LRP1: variants seen among roughly 807,000 people sequenced by gnomAD.
LRP1 encodes the protein LDL receptor related protein 1, also known as prolow-density lipoprotein receptor-related protein 1.
A neutral mutation model predicts 541.5 loss-of-function variants in LRP1; 51 were observed. The ratio of observed to expected loss-of-function variants is 0.09; its 90% CI spans 0.08 to 0.12. The LOEUF is 0.12. LRP1 is among the 10% of genes least tolerant of loss of function. LRP1 has a pLI of 1.00. For synonymous variants in LRP1, 2,219 were observed against 2,470.8 expected, an observed-to-expected ratio of 0.90 and a Z score of 3.02; for missense variants, 3,878 against 6,376.2, an observed-to-expected ratio of 0.61 and a Z score of 13.34.
chr12:57,194,164 C>A, intron 48 of LRP1, 152 bp downstream of exon 48: 1 of 988,988 alleles, frequency 1.0e-6, no homozygotes, highest in Non-Finnish European at 1.5e-6. Context: ...CTGTCCCCAT[C>A]CCGCTCCTGC....
chr12:57,171,033 G>T (rs192645218), intron 20 of LRP1, among the ~76,000 whole-genome samples: 2 of 152,218 alleles, frequency 1.3e-5, no homozygotes, highest in Admixed American at 1.3e-4. Flanking sequence ...TAGTAATTGC[G>T]TCTCCAGGGC....
chr12:57,173,482 A>G lies in LRP1; in HGVS notation c.3346+132A>G. 1 of 1,006,400 alleles carries G rather than the reference A, an allele frequency of 9.9e-7. No individual in the cohort carries two copies. The highest frequency in any genetic ancestry group is 1.4e-6 in the Non-Finnish European group (1 of 693,074). 62.3% of individuals were successfully genotyped at this position (1,006,400 alleles called of 1,614,324 possible). ...TGGTGCTGGGGACAGTGCAAGGCAA[A>G]AGGCAGTCCAGAGGAAGCTTGTGTG... On this transcript the variant is annotated intron_variant, in intron 21 of 88. Transcript: ENST00000243077. The surrounding 1 kb of genome is among the most constrained non-coding windows in gnomAD (Gnocchi z 4.7).
intron 6 of LRP1, among the ~76,000 whole-genome samples, chr12:57,147,842 C>T (rs2035444841): frequency 6.6e-6 from 1 of 152,214 alleles, no homozygotes; most frequent in South Asian, 2.1e-4. Flanking sequence ...CCCTGAGGCC[C>T]TGCAGTGTGT....
Position 57,154,349 on chromosome 12 carries a change from T to C in LRP1, c.983T>C (p.Ile328Thr). The stretch of plus-strand genomic sequence containing the variant: ...CTGGAACTCTACAACCCCAAGGGCA[T>C]TGCCCTGGACCCTGCCATGGGGTGA... Reference protein sequence around the residue: ...LDLELYNPKGIALDPAMGKVF... With the variant: ...LDLELYNPKGTALDPAMGKVF... The change falls in exon 7 of 89, where the codon ATT becomes ACT. Residue 328 changes from isoleucine to threonine, a missense_variant. By Grantham distance (89) the Ile-to-Thr change is moderately conservative. Coordinates refer to ENST00000243077, the MANE Select transcript of LRP1 (RefSeq NM_002332.3). The surrounding 1 kb of genome is among the most constrained non-coding windows in gnomAD (Gnocchi z 4.6). 6.2e-7 allele frequency: 1 copy of C among 1,613,646 alleles called. No homozygotes were observed. Among genetic ancestry groups the C allele is most frequent in the Non-Finnish European group, 8.5e-7 (1 of 1,179,558 alleles).
In LRP1 at chr12:57,212,513, G is replaced by A. The variant is rs757244903; in HGVS notation, c.13593G>A (p.Leu4531=). ...LASTDEKREL[L]GRGPEDEIGD... is the part of the protein sequence containing the mutation. ...GCACGGACGAGAAGCGAGAACTCCTGGGCCGGGGCCCTGAGGACGAGATAG... is the reference window on the plus strand; with the variant it reads ...GCACGGACGAGAAGCGAGAACTCCTAGGCCGGGGCCCTGAGGACGAGATAG... The change falls in exon 89 of 89, where the codon CTG becomes CTA. Residue 4531 remains leucine (L), a synonymous_variant. Coordinates refer to ENST00000243077, the MANE Select transcript of LRP1 (RefSeq NM_002332.3). The surrounding 1 kb of genome is among the most constrained non-coding windows in gnomAD (Gnocchi z 5.0). 6.2e-7 allele frequency: 1 copy of A among 1,613,734 alleles called. No individual in the cohort carries two copies. The highest frequency in any genetic ancestry group is 1.1e-5 in the South Asian group (1 of 91,078).
chr12:57,172,803 C>G (rs2035972468), intron 20 of LRP1, among the ~76,000 whole-genome samples: 1 of 152,190 alleles, frequency 6.6e-6, no homozygotes, highest in African/African-American at 2.4e-5. Context: ...TCAGTGCTGG[C>G]CCCAGGACAG....
intron 42 of LRP1, among the ~76,000 whole-genome samples, chr12:57,187,713 T>C (rs568339973): frequency 6.6e-6 from 1 of 152,308 alleles, no homozygotes; most frequent in African/African-American, 2.4e-5. Context: ...TCTGCCTTTG[T>C]GATTGATTCA....
At chr12:57,157,015 A>G in intron 10 of LRP1, 95 bp downstream of exon 10, 3 of 1,385,012 alleles carry the variant, frequency 2.2e-6, no homozygotes, top group South Asian at 1.5e-5. Flanking sequence ...TCTGACATGC[A>G]GGGAGATGAA....
chr12:57,179,827 A>G lies in LRP1; in HGVS notation c.5012A>G (p.Asn1671Ser). ...HGLAVDWVSR[N>S]LFWTSYDTNK... is the part of the protein sequence containing the mutation. ...CTGGCTGTGGACTGGGTCTCCCGAA[A>G]CCTGTTCTGGACAAGCTATGACACC... Residue 1671 changes from asparagine to serine, a missense_variant, in exon 30 of 89, where the codon AAC (asparagine) becomes AGC (serine). Around this residue, in one of 13 missense-constraint regions of LRP1, gnomAD observed 394 missense variants for 635.9 expected, o/e 0.62. Transcript: ENST00000243077. The surrounding 1 kb of genome is among the most constrained non-coding windows in gnomAD (Gnocchi z 6.8). 6.2e-7 allele frequency: 1 copy of G among 1,614,034 alleles called. No individual in the cohort carries two copies. Among genetic ancestry groups the G allele is most frequent in the Non-Finnish European group, 8.5e-7 (1 of 1,179,988 alleles).
chr12:57,170,848 ACCAAACT>A (rs1219794564), intron 20 of LRP1, among the ~76,000 whole-genome samples: 1 of 152,030 alleles, frequency 6.6e-6, no homozygotes, highest in East Asian at 1.9e-4. Context: ...AAAACTACAG[ACCAAACT>A]CTTCCTGCAG....
rs186945792 is a variant in LRP1, at chr12:57,183,473, C to T, written c.5757C>T (p.Ser1919=). 1.5e-5 allele frequency: 25 copies of T among 1,614,066 alleles called. No individual in the cohort carries two copies. The highest frequency in any genetic ancestry group is 6.7e-5 in the Admixed American group (4 of 60,022). ...AGTCAGATGCCCTGGTCCCAGTGTC[C>T]GGGACCTCGCTGGCTGTCGGCATCG... ...NDKSDALVPV[S]GTSLAVGIDF... The change falls in exon 35 of 89, where the codon TCC becomes TCT. Residue 1919 remains serine (S), a synonymous_variant. Transcript: ENST00000243077. The surrounding 1 kb of genome is among the most constrained non-coding windows in gnomAD (Gnocchi z 6.1).
At chr12:57,174,560 A>C (rs575612414) in intron 22 of LRP1, among the ~76,000 whole-genome samples, 1 of 152,276 alleles carries the variant, frequency 6.6e-6, no homozygotes, top group East Asian at 1.9e-4. Flanking sequence ...AGATCACTTG[A>C]GCTCAGGAAT....
rs1003606341 is a variant in LRP1 at position 57,165,093 on chromosome 12, C to T, written c.2531-712C>T. ...CAGTGAGGAGCAAGGAGGACACATA[C>T]CAGCCTCCAGGTCCATGGTCCATGG... On this transcript the variant is annotated intron_variant, in intron 15 of 88. Coordinates refer to ENST00000243077, the MANE Select transcript of LRP1 (RefSeq NM_002332.3). The surrounding 1 kb of genome is among the most constrained non-coding windows in gnomAD (Gnocchi z 4.5). 6.6e-6 allele frequency: 1 copy of T among 152,388 alleles called. No homozygotes were observed. The highest frequency in any genetic ancestry group is 1.5e-5 in the Non-Finnish European group (1 of 68,228). 9.4% of individuals were successfully genotyped at this position (152,388 alleles called of 1,614,324 possible).
Position 57,154,776 on chromosome 12 carries a change from T to A in LRP1, c.1227+75T>A. On this transcript the variant is annotated intron_variant, in intron 8 of 88. Transcript: ENST00000243077. The surrounding 1 kb of genome is among the most constrained non-coding windows in gnomAD (Gnocchi z 4.6). ...CTTCTGGTGAGGGGGGAAGCCTCTGTAGGGGAACCGTTCTCTGAGTCTCCT... is the reference window on the plus strand; with the variant it reads ...CTTCTGGTGAGGGGGGAAGCCTCTGAAGGGGAACCGTTCTCTGAGTCTCCT... The A allele has an allele frequency of 7.4e-7, 1 of 1,342,526 alleles. No homozygotes were observed. Among genetic ancestry groups the A allele is most frequent in the Non-Finnish European group, 1.0e-6 (1 of 960,186 alleles). 83.2% of individuals were successfully genotyped at this position (1,342,526 alleles called of 1,614,324 possible). A position where few individuals can be genotyped will look rare whatever the true frequency, so the allele number is the denominator to read the frequency against.
In LRP1 at chr12:57,151,726, ATC is replaced by A. The variant is rs1565720504; in HGVS notation, c.842-2476_842-2475del. On this transcript the variant is annotated intron_variant, in intron 6 of 88. Coordinates refer to ENST00000243077, the MANE Select transcript of LRP1 (RefSeq NM_002332.3). ...AGGTTCCTCCTCTCCCTTTGAGCCCATCTCTCTACACTGGCCTTGGAGTGGTG... is the reference window on the plus strand; with the variant it reads ...AGGTTCCTCCTCTCCCTTTGAGCCCATCTCTACACTGGCCTTGGAGTGGTG... Among the ~76,000 whole-genome samples, 7 of 152,224 alleles carry A rather than the reference ATC, an allele frequency of 4.6e-5. No individual in the cohort carries two copies. In the South Asian group the frequency reaches 1.5e-3, roughly 32 times the overall value.
In LRP1 at chr12:57,158,328, C is replaced by A. The variant is rs1026497193; in HGVS notation, c.1562-74C>A. 1.2e-5 allele frequency: 15 copies of A among 1,275,956 alleles called. No individual in the cohort carries two copies. In the African/African-American group the frequency reaches 2.2e-4, roughly 19 times the overall value. The allele number at this position is 1,275,956 out of a possible 1,614,324, so 79.0% of individuals were successfully genotyped here. A position where few individuals can be genotyped will look rare whatever the true frequency, so the allele number is the denominator to read the frequency against. On this transcript the variant is annotated intron_variant, in intron 10 of 88. Coordinates refer to ENST00000243077, the MANE Select transcript of LRP1 (RefSeq NM_002332.3). The surrounding 1 kb of genome is among the most constrained non-coding windows in gnomAD (Gnocchi z 5.3). ...CATCACAGCTAGGGCATTGCAGCCC[C>A]TTGGCCGCAGCCCCTGGGTGGGGAT...
Position 57,162,534 on chromosome 12 carries a change from TG to T in LRP1, c.2404+21del. 1 of 1,612,966 alleles carries T rather than the reference TG, an allele frequency of 6.2e-7. No homozygotes were observed. The highest frequency in any genetic ancestry group is 8.5e-7 in the Non-Finnish European group (1 of 1,179,858). The stretch of plus-strand genomic sequence containing the variant: ...CAGCAGCAAGGTACCTCCTTGGGGC[TG>T]GGGGCAGCGTGGGACCTGGAAGGGG... On this transcript the variant is annotated intron_variant, in intron 14 of 88. Coordinates refer to ENST00000243077, the MANE Select transcript of LRP1 (RefSeq NM_002332.3). The surrounding 1 kb of genome is among the most constrained non-coding windows in gnomAD (Gnocchi z 5.2).
At chr12:57,202,018 G>A (rs2036667898) in intron 67 of LRP1, 113 bp downstream of exon 67, 1 of 1,401,454 alleles carries the variant, frequency 7.1e-7, no homozygotes, top group South Asian at 1.2e-5. Flanking sequence ...GCGTGGCCCT[G>A]CTGCTGGGCT....
intron 61 of LRP1, 83 bp from the exon 62 acceptor site, chr12:57,199,794 G>C (rs989111187): frequency 1.8e-5 from 27 of 1,470,242 alleles, no homozygotes; most frequent in African/African-American, 5.7e-5. Context: ...AGACCCACCC[G>C]CCTCTGTCCA....
Sources: allele counts gnomAD v4.1 joint callset (sites outside exome capture counted in the v4.1 genomes callset), GRCh38; gene constraint gnomAD v4.1.1; regional missense constraint gnomAD v4.1.1; non-coding constraint Gnocchi (gnomAD v3.1); transcripts MANE v1.5; gene names NCBI Gene and HGNC (gene_info 2026-07-23, HGNC 2026-07-21).